Variants in SHROOM3 observed in about 807,000 individuals in gnomAD.
SHROOM3 encodes the protein protein Shroom3.
A neutral mutation model predicts 138.6 loss-of-function variants in SHROOM3; 47 were observed. The observed-to-expected ratio is 0.34, with a 90% CI of 0.27 to 0.43. The LOEUF is 0.43. Among genes scored for constraint, SHROOM3 ranks in the 20% least tolerant of loss-of-function variants. The pLI is 1.00. For synonymous variants in SHROOM3, 1,062 were observed against 1,063.3 expected (o/e 1.00, Z 0.02); for missense variants, 2,491 against 2,596.5 (o/e 0.96, Z 0.88).
chr4:76,690,532 A>T (rs1204622445), intron 2 of SHROOM3, among the ~76,000 whole-genome samples: 1 of 152,226 alleles, frequency 6.6e-6, no homozygotes, highest in Non-Finnish European at 1.5e-5. Flanking sequence ...AGGCTGCCAG[A>T]GAGAGTTCTG....
intron 1 of SHROOM3, among the ~76,000 whole-genome samples, chr4:76,506,311 A>T (rs1579200293): frequency 6.6e-6 from 1 of 152,196 alleles, no homozygotes; most frequent in Non-Finnish European, 1.5e-5. Flanking sequence ...AAACCACCAT[A>T]GCACGTGCAT....
intron 1 of SHROOM3, among the ~76,000 whole-genome samples, chr4:76,462,073 C>A (rs1731152410): frequency 6.6e-6 from 1 of 152,076 alleles, no homozygotes; most frequent in South Asian, 2.1e-4. Context: ...CTCTACATCC[C>A]AGTGTGGAAA....
At chr4:76,515,213 T>TAA (rs67216189) in intron 1 of SHROOM3, among the ~76,000 whole-genome samples, 9 of 113,008 alleles carry the variant, frequency 8.0e-5, no homozygotes, top group Non-Finnish European at 9.5e-5. Flanking sequence ...AAACTCTGTC[T>TAA]AAAAAAAAAA....
At chr4:76,555,877 A>C in intron 2 of SHROOM3, 114 bp downstream of exon 2, 3 of 1,133,688 alleles carry the variant, frequency 2.6e-6, no homozygotes, top group Non-Finnish European at 3.8e-6. Context: ...TTAAACCTCC[A>C]TGTATGGATC....
chr4:76,602,097 T>A (rs1734519222), intron 2 of SHROOM3, among the ~76,000 whole-genome samples: 1 of 152,204 alleles, frequency 6.6e-6, no homozygotes, highest in African/African-American at 2.4e-5. Context: ...AAGCTGGCTT[T>A]TCAAATACTT....
chr4:76,772,488 T>C (rs1406257114), intron 10 of SHROOM3, among the ~76,000 whole-genome samples: 2 of 152,214 alleles, frequency 1.3e-5, no homozygotes, highest in African/African-American at 4.8e-5. Flanking sequence ...AAAGAGGTCC[T>C]TTTTCAAATA....
At chr4:76,705,205 C>T (rs901542073) in intron 2 of SHROOM3, among the ~76,000 whole-genome samples, 1 of 152,038 alleles carries the variant, frequency 6.6e-6, no homozygotes, top group African/African-American at 2.4e-5. Flanking sequence ...CATGGTAACT[C>T]ATGCCTGTAA....
intron 2 of SHROOM3, among the ~76,000 whole-genome samples, chr4:76,578,927 C>T (rs1029208193): frequency 5.9e-5 from 9 of 152,050 alleles, no homozygotes; most frequent in African/African-American, 1.9e-4. Flanking sequence ...CTGGGCATGG[C>T]GGCTCATGCC....
At chr4:76,742,015 C>A (rs1334996602) in intron 5 of SHROOM3, 89 bp downstream of exon 5, 3 of 1,494,184 alleles carry the variant, frequency 2.0e-6, no homozygotes, top group Non-Finnish European at 1.8e-6. Context: ...CACTCTCACC[C>A]GCTCTCCCAG....
At chr4:76,689,572 T>C in intron 2 of SHROOM3, 2 of 984,274 alleles carry the variant, frequency 2.0e-6, no homozygotes, top group Non-Finnish European at 2.4e-6. Context: ...GGGCCGCCCA[T>C]TGTTGAGCGC....
rs548119769 is a variant in SHROOM3 at position 76,465,870 on chromosome 4, A to G, written c.168+29650A>G. ...GAAAATGCTTTTTGAAAAACTAAAT[A>G]TGCCATGCATAAAGGGCCTAAGATT... On this transcript the variant is annotated intron_variant, in intron 1 of 10. Transcript: ENST00000296043. Among the ~76,000 whole-genome samples the G allele has an allele frequency of 2.6e-5, 4 of 152,346 alleles. No individual in the cohort carries two copies. The South Asian group carries it at 6.2e-4, about 24-fold the overall frequency.
rs551463489 is a variant in SHROOM3, at chr4:76,633,635, T to C, written c.324-76521T>C. The stretch of plus-strand genomic sequence containing the variant: ...TTGCGCCACCGCACTCCAGCCTGGG[T>C]GGCAGAGCGAGACTCCGTCTCAAAA... On this transcript the variant is annotated intron_variant, in intron 2 of 10. Transcript: ENST00000296043. 8.7e-3 allele frequency among the ~76,000 whole-genome samples: 1,029 copies of C among 117,906 alleles called. 12 individuals are homozygous for C. Among genetic ancestry groups the C allele is most frequent in the African/African-American group, 0.033 (984 of 29,998 alleles). The allele number at this position is 117,906 out of a possible 152,430, so 77.4% of individuals were successfully genotyped here.
intron 2 of SHROOM3, among the ~76,000 whole-genome samples, chr4:76,556,345 T>C (rs1733483762): frequency 6.6e-6 from 1 of 152,184 alleles, no homozygotes; most frequent in Non-Finnish European, 1.5e-5. Flanking sequence ...GGAAAGGGGA[T>C]GGGAATTGAA....
At chr4:76,620,900 G>A (rs992858747) in intron 2 of SHROOM3, among the ~76,000 whole-genome samples, 3 of 151,714 alleles carry the variant, frequency 2.0e-5, no homozygotes, top group East Asian at 3.9e-4. Flanking sequence ...CCCAGAAGCA[G>A]ATGAAAGGAT....
At chr4:76,669,950 A>G (rs1003620447) in intron 2 of SHROOM3, among the ~76,000 whole-genome samples, 1 of 152,212 alleles carries the variant, frequency 6.6e-6, no homozygotes, top group South Asian at 2.1e-4. Flanking sequence ...CCCCAGACTG[A>G]GGTAATCTTT....
chr4:76,739,539 G>A lies in SHROOM3; in HGVS notation c.1366G>A (p.Ala456Thr). Residue 456 changes from alanine (A) to threonine (T), a missense_variant, in exon 5 of 11, where the codon GCC becomes ACC. Ala to Thr is a moderately conservative substitution (Grantham distance 58, BLOSUM62 0). This residue lies in a region of SHROOM3 where 1,733 missense variants were observed against 1,661.6 expected (regional missense o/e 1.04). Coordinates refer to ENST00000296043, the MANE Select transcript of SHROOM3 (RefSeq NM_020859.4). ...GCCCAAGCATAACTATACCCAGAAGGCCCAACCTGGCCAACCTCTGCTGCC... is the reference window on the plus strand; with the variant it reads ...GCCCAAGCATAACTATACCCAGAAGACCCAACCTGGCCAACCTCTGCTGCC... ...VKPKHNYTQK[A>T]QPGQPLLPTS... The A allele has an allele frequency of 1.2e-6, 2 of 1,614,116 alleles. No homozygotes were observed. The highest frequency in any genetic ancestry group is 1.7e-6 in the Non-Finnish European group (2 of 1,180,008).
At chr4:76,598,512 A>G (rs192287196) in intron 2 of SHROOM3, among the ~76,000 whole-genome samples, 11 of 152,340 alleles carry the variant, frequency 7.2e-5, no homozygotes, top group Admixed American at 2.0e-4. Context: ...ACAGAGAGGT[A>G]CTCAAAGAGA....
intron 2 of SHROOM3, among the ~76,000 whole-genome samples, chr4:76,697,087 ATTTTT>A (rs1163545473): frequency 7.4e-6 from 1 of 135,784 alleles, no homozygotes; most frequent in African/African-American, 2.7e-5. Flanking sequence ...CAGCTAATTA[ATTTTT>A]TTTTTTTTTT....
chr4:76,634,142 C>T lies in SHROOM3; in HGVS notation c.324-76014C>T, dbSNP rs141273740. On this transcript the variant is annotated intron_variant, in intron 2 of 10. Transcript: ENST00000296043. ...AAAATGAAAGTGTCACGTATGTACACTTTCCTTTTGGAAAGCATTTTGGTA... is the reference window on the plus strand; with the variant it reads ...AAAATGAAAGTGTCACGTATGTACATTTTCCTTTTGGAAAGCATTTTGGTA... Among the ~76,000 whole-genome samples the T allele has an allele frequency of 8.5e-3, 1,287 of 152,272 alleles. 14 individuals are homozygous for T. The highest frequency in any genetic ancestry group is 0.029 in the African/African-American group (1,220 of 41,560).
Sources: gnomAD v4.1 joint callset for allele counts (sites outside exome capture counted in the v4.1 genomes callset) on GRCh38, gnomAD v4.1.1 for gene constraint, gnomAD v4.1.1 regional missense constraint, MANE v1.5 for transcripts, NCBI Gene and HGNC (gene_info 2026-07-23, HGNC 2026-07-21) for gene names.